The following CCDC91 variants were observed in gnomAD, a reference collection of about 807,000 sequenced individuals.
CCDC91 encodes the protein coiled-coil domain containing 91.
A neutral mutation model predicts 63.2 loss-of-function variants in CCDC91; 48 were observed. The ratio of observed to expected loss-of-function variants is 0.76; its 90% CI spans 0.60 to 0.97. The LOEUF (loss-of-function observed/expected upper bound fraction) is 0.97, where lower values mean the gene tolerates loss of function less well. Among genes scored for constraint, CCDC91 ranks in the 50% least tolerant of loss-of-function variants. CCDC91 has a pLI of 0.00. For missense variants in CCDC91, 500 were observed against 494.6 expected, an observed-to-expected ratio of 1.01 and a Z score of -0.10; for synonymous variants, 167 against 165.8, an observed-to-expected ratio of 1.01 and a Z score of -0.06.
intron 1 of CCDC91, among the ~76,000 whole-genome samples, chr12:28,247,308 G>A (rs1429953622): frequency 6.6e-6 from 1 of 151,906 alleles, no homozygotes; most frequent in East Asian, 1.9e-4. Flanking sequence ...GTGAAACCCC[G>A]CCTCTACTAA....
intron 5 of CCDC91, 83 bp downstream of exon 5, chr12:28,307,028 T>A: frequency 1.1e-6 from 1 of 900,970 alleles, no homozygotes; most frequent in Non-Finnish European, 1.7e-6. Context: ...TAAAAACTCA[T>A]CAGAGGAAGA....
intron 7 of CCDC91, among the ~76,000 whole-genome samples, chr12:28,367,415 A>G (rs1944344131): frequency 6.6e-6 from 1 of 152,162 alleles, no homozygotes; most frequent in Non-Finnish European, 1.5e-5. Context: ...AGTAAATTTG[A>G]AAAAAATAGA....
chr12:28,304,636 A>G, intron 3 of CCDC91: 3 of 1,266,688 alleles, frequency 2.4e-6, no homozygotes, highest in Non-Finnish European at 3.1e-6. Flanking sequence ...GGAAACATGC[A>G]ATTTTCATTG....
intron 6 of CCDC91, among the ~76,000 whole-genome samples, chr12:28,309,056 G>C (rs1400060372): frequency 2.0e-5 from 3 of 151,978 alleles, no homozygotes; most frequent in Non-Finnish European, 2.9e-5. Context: ...GAGTATGCGT[G>C]GGGAAGGACA....
chr12:28,346,397 C>G (rs1942811967), intron 6 of CCDC91, among the ~76,000 whole-genome samples: 1 of 152,132 alleles, frequency 6.6e-6, no homozygotes, highest in African/African-American at 2.4e-5. Flanking sequence ...AAGTACTACT[C>G]TAAGCATTAA....
chr12:28,447,837 AAGGGGAGGGG>A (rs771382017), intron 8 of CCDC91, among the ~76,000 whole-genome samples: 4,021 of 9,002 alleles, frequency 0.45, 591 homozygotes, highest in Non-Finnish European at 0.49. Context: ...GAGGGGAGGG[AAGGGGAGGGG>A]AGGGGAGGGG....
chr12:28,351,304 G>T (rs1049587383), intron 6 of CCDC91, among the ~76,000 whole-genome samples: 2 of 152,090 alleles, frequency 1.3e-5, no homozygotes, highest in Admixed American at 1.3e-4. Flanking sequence ...TCAGATTCCC[G>T]TCTGAAAGAG....
intron 12 of CCDC91, among the ~76,000 whole-genome samples, chr12:28,531,252 T>A (rs2141621176): frequency 6.6e-6 from 1 of 152,268 alleles, no homozygotes; most frequent in African/African-American, 2.4e-5. Flanking sequence ...GTGAGAGCGC[T>A]CAGTACTTTA....
chr12:28,503,825 T>C (rs1938312766), intron 12 of CCDC91, among the ~76,000 whole-genome samples: 1 of 151,568 alleles, frequency 6.6e-6, no homozygotes, highest in Admixed American at 6.6e-5. Context: ...CTCAGTAAAC[T>C]ATCACAAGGA....
intron 8 of CCDC91, among the ~76,000 whole-genome samples, chr12:28,396,112 A>G (rs970449938): frequency 3.9e-5 from 6 of 152,204 alleles, no homozygotes; most frequent in Admixed American, 3.9e-4. Flanking sequence ...GTTCCATAGT[A>G]TTAGGTGAAG....
chr12:28,490,590 T>C (rs1565467777), intron 12 of CCDC91, among the ~76,000 whole-genome samples: 3 of 151,866 alleles, frequency 2.0e-5, no homozygotes, highest in African/African-American at 4.8e-5. Flanking sequence ...TTATCCTTCT[T>C]CTTAAATTAA....
intron 3 of CCDC91, among the ~76,000 whole-genome samples, chr12:28,278,644 C>T (rs1337751558): frequency 5.3e-5 from 8 of 151,920 alleles, no homozygotes; most frequent in Admixed American, 5.3e-4. Context: ...CATCATGTTC[C>T]TTTTGAACTC....
intron 12 of CCDC91, among the ~76,000 whole-genome samples, chr12:28,527,896 A>G (rs761102936): frequency 1.5e-4 from 23 of 152,116 alleles, no homozygotes; most frequent in Non-Finnish European, 3.1e-4. Context: ...CAGGAGTCAC[A>G]GGCCTCACTC....
intron 11 of CCDC91, among the ~76,000 whole-genome samples, chr12:28,463,802 T>G (rs1389584499): frequency 6.6e-6 from 1 of 152,168 alleles, no homozygotes; most frequent in Non-Finnish European, 1.5e-5. Context: ...AACTTTTTTT[T>G]GAAGAAGTAT....
intron 12 of CCDC91, among the ~76,000 whole-genome samples, chr12:28,490,351 A>C (rs907594278): frequency 1.3e-5 from 2 of 152,026 alleles, no homozygotes; most frequent in African/African-American, 4.8e-5. Context: ...ATACCCTTAC[A>C]TTCATTATTG....
At chr12:28,238,105 G>T (rs1044754184) in intron 1 of CCDC91, among the ~76,000 whole-genome samples, 8 of 152,020 alleles carry the variant, frequency 5.3e-5, no homozygotes, top group Admixed American at 2.0e-4. Context: ...AGATATATTT[G>T]TATGAAACTT....
At chr12:28,498,470 A>G (rs1952431758) in intron 12 of CCDC91, among the ~76,000 whole-genome samples, 1 of 151,640 alleles carries the variant, frequency 6.6e-6, no homozygotes, top group African/African-American at 2.4e-5. Context: ...TTATATGGTC[A>G]AGTCCAAGGT....
chr12:28,509,928 A>G (rs751269640), intron 12 of CCDC91, among the ~76,000 whole-genome samples: 8 of 151,790 alleles, frequency 5.3e-5, no homozygotes, highest in Non-Finnish European at 7.4e-5. Context: ...CTCACCTCCT[A>G]TTTCTGAACT....
chr12:28,222,530 G>A (rs907222349), intron 1 of CCDC91, among the ~76,000 whole-genome samples: 3 of 151,954 alleles, frequency 2.0e-5, no homozygotes, highest in Non-Finnish European at 4.4e-5. Context: ...TTTTTACTAA[G>A]CCTTGAAAAA....
Sources: gnomAD v4.1 joint callset for allele counts (sites outside exome capture counted in the v4.1 genomes callset) on GRCh38, gnomAD v4.1.1 for gene constraint, MANE v1.5 for transcripts, NCBI Gene and HGNC (gene_info 2026-07-23, HGNC 2026-07-21) for gene names.